The following RGS7 variants were observed in gnomAD, a reference collection of about 807,000 sequenced individuals.
RGS7 encodes the protein regulator of G-protein signaling 7.
A neutral mutation model predicts 81.1 loss-of-function variants in RGS7; 27 were observed. The ratio of observed to expected loss-of-function variants is 0.33; its 90% CI spans 0.25 to 0.46. The LOEUF is 0.46. Ranked by LOEUF, RGS7 falls within the 20% of genes least tolerant of loss-of-function variation. RGS7 has a pLI of 1.00. For missense variants in RGS7, 396 were observed against 607.4 expected (o/e 0.65, Z 3.66); for synonymous variants, 208 against 207.7 (o/e 1.00, Z -0.01).
At chr1:241,189,998 G>A (rs187657174) in intron 2 of RGS7, among the ~76,000 whole-genome samples, 11 of 152,240 alleles carry the variant, frequency 7.2e-5, no homozygotes, top group Admixed American at 1.3e-4. Context: ...AGCTACTCGG[G>A]AGGCTGAGGC....
intron 2 of RGS7, among the ~76,000 whole-genome samples, chr1:241,121,263 T>C (rs907685838): frequency 5.3e-5 from 8 of 152,204 alleles, no homozygotes; most frequent in Non-Finnish European, 1.2e-4. Context: ...CAAATATCTC[T>C]AAAAAGGAAT....
At chr1:241,175,519 T>A (rs1232396923) in intron 2 of RGS7, among the ~76,000 whole-genome samples, 1 of 152,100 alleles carries the variant, frequency 6.6e-6, no homozygotes, top group African/African-American at 2.4e-5. Flanking sequence ...GGTTTATGAG[T>A]TGTTGCAGGC....
intron 2 of RGS7, among the ~76,000 whole-genome samples, chr1:241,184,947 T>C (rs944956988): frequency 5.9e-5 from 9 of 152,276 alleles, no homozygotes; most frequent in Admixed American, 1.3e-4. Context: ...AACCTTTGAA[T>C]TGGACATTCT....
At chr1:240,963,328 T>C (rs1681766305) in intron 4 of RGS7, among the ~76,000 whole-genome samples, 2 of 152,304 alleles carry the variant, frequency 1.3e-5, no homozygotes, top group South Asian at 2.1e-4. Flanking sequence ...TCCAGAGGTA[T>C]ATTTGTAGTG....
chr1:241,332,021 C>T (rs947073923), intron 2 of RGS7, among the ~76,000 whole-genome samples: 9 of 152,200 alleles, frequency 5.9e-5, no homozygotes, highest in Non-Finnish European at 1.3e-4. Flanking sequence ...TGCTGAATTT[C>T]CTTTCCAGCC....
At chr1:241,244,666 T>C (rs142719986) in intron 2 of RGS7, among the ~76,000 whole-genome samples, 4,125 of 152,160 alleles carry the variant, frequency 0.027, 187 homozygotes, top group African/African-American at 0.093. Context: ...CATATGTTTA[T>C]TGTGGCACTA....
chr1:241,345,989 T>C (rs538511668), intron 2 of RGS7, among the ~76,000 whole-genome samples: 1 of 152,284 alleles, frequency 6.6e-6, no homozygotes, highest in South Asian at 2.1e-4. Context: ...CACTCCAGTC[T>C]GGTGATGGAG....
intron 3 of RGS7, among the ~76,000 whole-genome samples, chr1:240,999,933 ACAT>A (rs374091266): frequency 2.2e-3 from 342 of 152,248 alleles, no homozygotes; most frequent in African/African-American, 7.9e-3. Flanking sequence ...TGAAAGCTGG[ACAT>A]CTTTGTATTT....
intron 3 of RGS7, among the ~76,000 whole-genome samples, chr1:241,066,633 A>G (rs900902696): frequency 2.0e-5 from 3 of 151,956 alleles, no homozygotes; most frequent in Non-Finnish European, 4.4e-5. Context: ...GAGCCCAACT[A>G]TTCACACTCT....
chr1:241,192,252 C>CATGTGTGTGTGT (rs1491204174), intron 2 of RGS7, among the ~76,000 whole-genome samples: 15 of 124,676 alleles, frequency 1.2e-4, no homozygotes, highest in African/African-American at 4.2e-4. Context: ...TCTGTCTGCA[C>CATGTGTGTGTGT]GTGTGTGTGT....
intron 3 of RGS7, among the ~76,000 whole-genome samples, chr1:241,012,748 C>G (rs2059020678): frequency 6.6e-6 from 1 of 152,180 alleles, no homozygotes; most frequent in Admixed American, 6.5e-5. Flanking sequence ...AATAAACACC[C>G]AGGCTCTCTC....
chr1:241,244,628 A>T (rs1324516789), intron 2 of RGS7, among the ~76,000 whole-genome samples: 4 of 152,198 alleles, frequency 2.6e-5, no homozygotes, highest in Non-Finnish European at 4.4e-5. Flanking sequence ...AGGATTATAA[A>T]TCATGCTGCT....
intron 2 of RGS7, among the ~76,000 whole-genome samples, chr1:241,124,584 G>A (rs942001445): frequency 3.9e-5 from 6 of 152,180 alleles, no homozygotes; most frequent in East Asian, 3.9e-4. Context: ...AGTACAAGGC[G>A]GTTCTATTAA....
intron 4 of RGS7, among the ~76,000 whole-genome samples, chr1:240,982,623 C>T (rs967316559): frequency 6.6e-6 from 1 of 151,918 alleles, no homozygotes; most frequent in Non-Finnish European, 1.5e-5. Context: ...CTCACACACA[C>T]ACACCATGTA....
chr1:241,074,961 T>G (rs1164513628), intron 3 of RGS7, among the ~76,000 whole-genome samples: 1 of 152,208 alleles, frequency 6.6e-6, no homozygotes, highest in African/African-American at 2.4e-5. Flanking sequence ...GTAGCTATTT[T>G]TGAATTATTT....
chr1:240,869,455 C>A (rs533725589), intron 7 of RGS7, among the ~76,000 whole-genome samples: 2 of 152,324 alleles, frequency 1.3e-5, no homozygotes, highest in South Asian at 4.1e-4. Context: ...TGGATATCTT[C>A]ACTATGTAGG....
chr1:241,069,600 T>C (rs1247942355), intron 3 of RGS7, among the ~76,000 whole-genome samples: 4 of 152,184 alleles, frequency 2.6e-5, no homozygotes, highest in South Asian at 2.1e-4. Flanking sequence ...ACGCTTCTCA[T>C]TTATTTAATT....
At chr1:241,114,629 G>A (rs1291752471) in intron 2 of RGS7, among the ~76,000 whole-genome samples, 1 of 152,170 alleles carries the variant, frequency 6.6e-6, no homozygotes, top group Non-Finnish European at 1.5e-5. Context: ...AGATGTTGAG[G>A]TCGAATAAAA....
chr1:240,843,276 T>C (rs1432009829), intron 9 of RGS7, among the ~76,000 whole-genome samples: 1 of 151,916 alleles, frequency 6.6e-6, no homozygotes, highest in Non-Finnish European at 1.5e-5. Flanking sequence ...TCTTTTTTCT[T>C]TTTTTTTGGG....
Sources: allele counts gnomAD v4.1 joint callset (sites outside exome capture counted in the v4.1 genomes callset), GRCh38; gene constraint gnomAD v4.1.1; transcripts MANE v1.5; gene names NCBI Gene and HGNC (gene_info 2026-07-23, HGNC 2026-07-21).